Variants in NALF1 observed in about 807,000 individuals in gnomAD.
NALF1 encodes NALCN channel auxiliary factor 1, also known as family with sequence similarity 155 member A.
In NALF1, 3 loss-of-function variants were observed where a neutral mutation model predicts 48.4. The observed-to-expected ratio is 0.06, with a 90% CI of 0.03 to 0.16. The LOEUF (loss-of-function observed/expected upper bound fraction) is 0.16. Ranked by LOEUF, NALF1 falls within the 10% of genes least tolerant of loss-of-function variation. The pLI is 1.00. For synonymous variants in NALF1, 262 were observed against 245.7 expected, an observed-to-expected ratio of 1.07 and a Z score of -0.62; for missense variants, 526 against 571.5, an observed-to-expected ratio of 0.92 and a Z score of 0.81.
At chr13:107,699,017 T>A (rs776724837) in intron 1 of NALF1, among the ~76,000 whole-genome samples, 12 of 152,074 alleles carry the variant, frequency 7.9e-5, no homozygotes, top group Non-Finnish European at 1.6e-4. Flanking sequence ...AAATAAATGA[T>A]CCTATCTTAC....
chr13:107,866,173 C>T lies in NALF1; in HGVS notation c.424G>A (p.Gly142Ser). The T allele has an allele frequency of 6.9e-6, 11 of 1,603,482 alleles. No individual in the cohort carries two copies. The highest frequency in any genetic ancestry group is 7.7e-6 in the Non-Finnish European group (9 of 1,175,662). Residue 142 changes from glycine to serine, a missense_variant, in exon 1 of 3, where the codon GGC (glycine) becomes AGC (serine). This residue lies in a region of NALF1 where 373 missense variants were observed against 355.5 expected (regional missense o/e 1.05). Coordinates refer to ENST00000375915, the MANE Select transcript of NALF1 (RefSeq NM_001080396.3). This position sits in a 1 kb window ranked among gnomAD's most constrained non-coding sequence, Gnocchi z 4.4. ...TCTTTGCCTCGGTTGCCCTTGCCGCCGCCGCCGCCGCCGTCTCCCGGGGAG... is the reference window on the plus strand; with the variant it reads ...TCTTTGCCTCGGTTGCCCTTGCCGCTGCCGCCGCCGCCGTCTCCCGGGGAG... ...PPSPGDGGGG[G>S]GKGNRGKDDR...
intron 1 of NALF1, among the ~76,000 whole-genome samples, chr13:107,721,987 C>T (rs947964310): frequency 3.9e-5 from 6 of 152,158 alleles, no homozygotes; most frequent in African/African-American, 7.2e-5. Flanking sequence ...GGTTCCCCCC[C>T]TCTTGCCTTT....
chr13:107,621,591 T>C (rs1879518575), intron 1 of NALF1, among the ~76,000 whole-genome samples: 1 of 152,216 alleles, frequency 6.6e-6, no homozygotes. Flanking sequence ...GATTTTTTCC[T>C]CTACTATAGG....
chr13:107,659,714 G>A (rs889245232), intron 1 of NALF1, among the ~76,000 whole-genome samples: 4 of 151,650 alleles, frequency 2.6e-5, no homozygotes, highest in South Asian at 2.1e-4. Context: ...GGATTTGGCC[G>A]CCACTGAATT....
chr13:107,533,402 A>G (rs895449784), intron 1 of NALF1, among the ~76,000 whole-genome samples: 1 of 152,082 alleles, frequency 6.6e-6, no homozygotes, highest in African/African-American at 2.4e-5. Flanking sequence ...TAAATGGATA[A>G]GGCCCTTCTG....
intron 1 of NALF1, among the ~76,000 whole-genome samples, chr13:107,559,084 T>A (rs971231047): frequency 2.0e-5 from 3 of 152,196 alleles, no homozygotes; most frequent in African/African-American, 7.2e-5. Flanking sequence ...GATCTCTTTC[T>A]GTACATGCAT....
At chr13:107,742,275 G>A (rs1405588907) in intron 1 of NALF1, among the ~76,000 whole-genome samples, 1 of 152,124 alleles carries the variant, frequency 6.6e-6, no homozygotes, top group Non-Finnish European at 1.5e-5. Context: ...ATCATTTCCT[G>A]TAGACCAACC....
At chr13:107,555,902 A>C (rs997808333) in intron 1 of NALF1, among the ~76,000 whole-genome samples, 22 of 152,158 alleles carry the variant, frequency 1.4e-4, no homozygotes, top group African/African-American at 5.1e-4. Flanking sequence ...TAATATTTTG[A>C]GAATATTGTT....
intron 1 of NALF1, among the ~76,000 whole-genome samples, chr13:107,832,883 T>A (rs910157970): frequency 2.0e-5 from 3 of 151,448 alleles, no homozygotes; most frequent in African/African-American, 7.4e-5. Context: ...TGCATCTTCT[T>A]AAGAGCGCTC....
intron 1 of NALF1, among the ~76,000 whole-genome samples, chr13:107,762,683 A>G (rs1196345504): frequency 1.3e-5 from 2 of 152,190 alleles, no homozygotes; most frequent in Non-Finnish European, 2.9e-5. Context: ...GGGAGGACAT[A>G]CAGAGTCGTT....
At chr13:107,290,180 A>G (rs1271918268) in intron 1 of NALF1, among the ~76,000 whole-genome samples, 1 of 144,202 alleles carries the variant, frequency 6.9e-6, no homozygotes, top group African/African-American at 2.7e-5. Context: ...CCAGCAAAAA[A>G]AAAAAACAAA....
intron 1 of NALF1, among the ~76,000 whole-genome samples, chr13:107,382,698 C>T (rs79406068): frequency 6.6e-6 from 1 of 152,158 alleles, no homozygotes; most frequent in Non-Finnish European, 1.5e-5. Context: ...CTTCCTTGTC[C>T]TCATAACCTT....
intron 1 of NALF1, among the ~76,000 whole-genome samples, chr13:107,325,513 ATATTTTAT>A (rs1163247968): frequency 6.6e-6 from 1 of 152,062 alleles, no homozygotes; most frequent in Non-Finnish European, 1.5e-5. Context: ...CTGACTTCCA[ATATTTTAT>A]TATACAGTCA....
intron 1 of NALF1, among the ~76,000 whole-genome samples, chr13:107,614,378 G>T (rs1160645908): frequency 6.6e-6 from 1 of 152,156 alleles, no homozygotes; most frequent in Non-Finnish European, 1.5e-5. Context: ...TATATCCTGA[G>T]ATTCTACTAT....
intron 1 of NALF1, among the ~76,000 whole-genome samples, chr13:107,275,657 T>C (rs370681867): frequency 1.3e-5 from 2 of 152,120 alleles, no homozygotes; most frequent in African/African-American, 4.8e-5. Context: ...AGGTAAAACA[T>C]AGATTAAATT....
At chr13:107,381,329 T>TA (rs960086666) in intron 1 of NALF1, among the ~76,000 whole-genome samples, 23 of 151,682 alleles carry the variant, frequency 1.5e-4, no homozygotes, top group African/African-American at 5.3e-4. Flanking sequence ...ATGTCCCAAG[T>TA]AGCTGGGACC....
chr13:107,639,585 G>C (rs1182356463), intron 1 of NALF1, among the ~76,000 whole-genome samples: 1 of 149,126 alleles, frequency 6.7e-6, no homozygotes, highest in Non-Finnish European at 1.5e-5. Context: ...ATTGCAGCCT[G>C]TGCATAGCCC....
chr13:107,556,294 TATAC>T (rs1440099955), intron 1 of NALF1, among the ~76,000 whole-genome samples: 990 of 97,470 alleles, frequency 0.01, 8 homozygotes, highest in African/African-American at 0.02. Context: ...TATATATATA[TATAC>T]ACACACACAC....
chr13:107,685,428 C>T (rs748801300), intron 1 of NALF1, among the ~76,000 whole-genome samples: 3 of 152,088 alleles, frequency 2.0e-5, no homozygotes, highest in Admixed American at 6.6e-5. Flanking sequence ...AATGATGAGT[C>T]TTACTGAATT....
Sources: gnomAD v4.1 joint callset for allele counts (sites outside exome capture counted in the v4.1 genomes callset) on GRCh38, gnomAD v4.1.1 for gene constraint, gnomAD v4.1.1 regional missense constraint, Gnocchi (gnomAD v3.1) non-coding constraint, MANE v1.5 for transcripts, NCBI Gene and HGNC (gene_info 2026-07-23, HGNC 2026-07-21) for gene names.